TRAPPC9: variants seen among roughly 807,000 people sequenced by gnomAD.
The protein encoded by TRAPPC9 is trafficking protein particle complex subunit 9.
TRAPPC9 carries 83 observed loss-of-function variants against 124.0 expected under a neutral mutation model. The observed-to-expected ratio is 0.67, with a 90% CI of 0.56 to 0.80. The LOEUF (loss-of-function observed/expected upper bound fraction) is 0.80. Among genes scored for constraint, TRAPPC9 ranks in the 30% least tolerant of loss-of-function variants. The pLI, the probability that TRAPPC9 is intolerant of heterozygous loss-of-function variation, is 0.00. For synonymous variants in TRAPPC9, 638 were observed against 617.5 expected (o/e 1.03, Z -0.49); for missense variants, 1,302 against 1,508.3 (o/e 0.86, Z 2.27).
chr8:140,032,184 G>C (rs1840538786), intron 17 of TRAPPC9, among the ~76,000 whole-genome samples: 1 of 152,210 alleles, frequency 6.6e-6, no homozygotes, highest in Non-Finnish European at 1.5e-5. Flanking sequence ...CACACCTGGA[G>C]TTACATACTT....
intron 21 of TRAPPC9, among the ~76,000 whole-genome samples, chr8:139,828,734 G>A (rs189665780): frequency 1.3e-5 from 2 of 152,180 alleles, no homozygotes; most frequent in East Asian, 1.9e-4. Flanking sequence ...TTGAAGGAAC[G>A]CTGCCCAGGT....
intron 8 of TRAPPC9, 149 bp downstream of exon 8, chr8:140,370,815 A>G: frequency 1.2e-6 from 1 of 833,652 alleles, no homozygotes; most frequent in Admixed American, 2.0e-5. Flanking sequence ...ATCGGATTAC[A>G]GCAGGCACCC....
chr8:140,092,357 G>A (rs1186725096), intron 17 of TRAPPC9, among the ~76,000 whole-genome samples: 3 of 151,636 alleles, frequency 2.0e-5, no homozygotes, highest in Admixed American at 1.3e-4. Flanking sequence ...GATGCCACGC[G>A]AGGCTAATTT....
intron 21 of TRAPPC9, among the ~76,000 whole-genome samples, chr8:139,759,936 C>T (rs1205486315): frequency 1.3e-5 from 2 of 152,240 alleles, no homozygotes; most frequent in African/African-American, 4.8e-5. Flanking sequence ...GTCCATGAAG[C>T]CGTCCCTGGG....
At chr8:139,977,508 C>T (rs1179672096) in intron 19 of TRAPPC9, among the ~76,000 whole-genome samples, 2 of 151,158 alleles carry the variant, frequency 1.3e-5, no homozygotes, top group Admixed American at 6.6e-5. Flanking sequence ...GTCCCAGCTA[C>T]TCTGGAGGCT....
intron 18 of TRAPPC9, among the ~76,000 whole-genome samples, chr8:140,006,059 A>C (rs1437518160): frequency 6.6e-6 from 1 of 152,198 alleles, no homozygotes; most frequent in Non-Finnish European, 1.5e-5. Context: ...TATTCAAGAA[A>C]TAAATTAGGA....
intron 19 of TRAPPC9, among the ~76,000 whole-genome samples, chr8:139,957,177 G>A (rs866712840): frequency 6.6e-6 from 1 of 152,364 alleles, no homozygotes. Context: ...CCCTAGTCCG[G>A]AAGCTTGGGC....
Position 139,758,140 on chromosome 8 carries a change from C to A in TRAPPC9, c.3056-25938G>T, listed in dbSNP as rs112287929. On this transcript the variant is annotated intron_variant, in intron 21 of 22. Transcript: ENST00000438773. ...AGGGAATCCCGTGACAGCGGGGAGG[C>A]CAAGCGCTCGGGCCTGGGAAGCCAG... is the stretch of plus-strand genomic sequence containing the variant. Among the ~76,000 whole-genome samples the A allele has an allele frequency of 2.4e-3, 362 of 152,320 alleles. 1 individual carries two copies. The highest frequency in any genetic ancestry group is 8.3e-3 in the African/African-American group (344 of 41,566).
chr8:139,967,689 G>C (rs1835790580), intron 19 of TRAPPC9, among the ~76,000 whole-genome samples: 1 of 152,234 alleles, frequency 6.6e-6, no homozygotes, highest in African/African-American at 2.4e-5. Context: ...GGAAGAAAGA[G>C]CACAACTGGC....
chr8:139,739,298 C>A (rs998027123), intron 21 of TRAPPC9, among the ~76,000 whole-genome samples: 2 of 152,224 alleles, frequency 1.3e-5, no homozygotes, highest in African/African-American at 4.8e-5. Flanking sequence ...CTCCACCCGC[C>A]CCGCCCTGGC....
chr8:140,273,427 G>A (rs369743636), intron 15 of TRAPPC9, among the ~76,000 whole-genome samples: 15 of 152,310 alleles, frequency 9.8e-5, no homozygotes, highest in South Asian at 4.1e-4. Context: ...GATCCAGCTC[G>A]GCTTGGGCTG....
At chr8:139,991,339 C>T (rs1837629970) in intron 18 of TRAPPC9, among the ~76,000 whole-genome samples, 2 of 152,198 alleles carry the variant, frequency 1.3e-5, no homozygotes, top group Non-Finnish European at 1.5e-5. Context: ...TTTTTTCTGA[C>T]TCACTGTCTG....
intron 15 of TRAPPC9, among the ~76,000 whole-genome samples, chr8:140,265,911 T>C (rs1186432595): frequency 6.6e-6 from 1 of 152,214 alleles, no homozygotes; most frequent in Non-Finnish European, 1.5e-5. Flanking sequence ...TTTTTAATTA[T>C]AACAATACGG....
At chr8:140,272,154 C>CG (rs1342000457) in intron 15 of TRAPPC9, among the ~76,000 whole-genome samples, 1 of 41,344 alleles carries the variant, frequency 2.4e-5, no homozygotes, top group African/African-American at 1.5e-4. Context: ...ATGGTGGTAG[C>CG]AGTGATGGCA....
chr8:140,325,123 C>T (rs893023666), intron 9 of TRAPPC9, among the ~76,000 whole-genome samples: 2 of 152,032 alleles, frequency 1.3e-5, no homozygotes, highest in East Asian at 1.9e-4. Context: ...AAAACAAAAG[C>T]GAAATGTTAA....
At chr8:139,925,826 C>T (rs966915306) in intron 19 of TRAPPC9, among the ~76,000 whole-genome samples, 5 of 38,564 alleles carry the variant, frequency 1.3e-4, no homozygotes, top group Non-Finnish European at 2.2e-4. Context: ...CACACGCACA[C>T]GCACACACAC....
intron 17 of TRAPPC9, among the ~76,000 whole-genome samples, chr8:140,033,680 T>TTTTG (rs1416754202): frequency 7.0e-4 from 81 of 116,028 alleles, no homozygotes; most frequent in African/African-American, 2.6e-3. Flanking sequence ...TTTTTTTTTT[T>TTTTG]TTTTTTTTTT....
intron 15 of TRAPPC9, among the ~76,000 whole-genome samples, chr8:140,258,001 C>T (rs2064308854): frequency 6.6e-6 from 1 of 152,144 alleles, no homozygotes; most frequent in African/African-American, 2.4e-5. Flanking sequence ...CTGTAGCAAG[C>T]ACAAAAAAAC....
chr8:139,824,328 G>C (rs1825471843), intron 21 of TRAPPC9, among the ~76,000 whole-genome samples: 1 of 152,010 alleles, frequency 6.6e-6, no homozygotes, highest in Admixed American at 6.5e-5. Flanking sequence ...CCTGTGCAGA[G>C]CTTCGGGGGC....
Sources: allele counts gnomAD v4.1 joint callset (sites outside exome capture counted in the v4.1 genomes callset), GRCh38; gene constraint gnomAD v4.1.1; transcripts MANE v1.5; gene names NCBI Gene and HGNC (gene_info 2026-07-23, HGNC 2026-07-21).